The following ADGRB3 variants were observed in gnomAD, a reference collection of about 807,000 sequenced individuals.
The protein encoded by ADGRB3 is adhesion G protein-coupled receptor B3, also known as brain-specific angiogenesis inhibitor 3.
A neutral mutation model predicts 193.4 loss-of-function variants in ADGRB3; 37 were observed. The ratio of observed to expected loss-of-function variants is 0.19; its 90% CI spans 0.15 to 0.25. ADGRB3 has a LOEUF of 0.25. ADGRB3 is among the 10% of genes least tolerant of loss of function. The pLI is 1.00. For missense variants in ADGRB3, 1,637 were observed against 1,852.9 expected (o/e 0.88, Z 2.14); for synonymous variants, 690 against 644.2 (o/e 1.07, Z -1.08).
At chr6:68,833,154 G>A (rs1767985150) in intron 3 of ADGRB3, among the ~76,000 whole-genome samples, 1 of 152,048 alleles carries the variant, frequency 6.6e-6, no homozygotes, top group African/African-American at 2.4e-5. Context: ...AATTGACAAT[G>A]TCAAGATACC....
At chr6:68,959,096 G>T (rs1009398112) in intron 8 of ADGRB3, among the ~76,000 whole-genome samples, 28 of 151,922 alleles carry the variant, frequency 1.8e-4, no homozygotes, top group Middle Eastern at 3.2e-3. Flanking sequence ...TTTATGTGCA[G>T]TCACATCATC....
At chr6:69,320,817 A>ATGTGTGTGTG (rs1491560826) in intron 20 of ADGRB3, among the ~76,000 whole-genome samples, 9 of 104,874 alleles carry the variant, frequency 8.6e-5, no homozygotes, top group African/African-American at 2.9e-4. Context: ...GTGCTTGTGC[A>ATGTGTGTGTG]TGTGTGTATG....
chr6:68,907,773 A>C (rs1041023405), intron 3 of ADGRB3, among the ~76,000 whole-genome samples: 2 of 151,908 alleles, frequency 1.3e-5, no homozygotes, highest in Non-Finnish European at 2.9e-5. Flanking sequence ...ATTTTGCCTT[A>C]TGGTTATTTT....
At chr6:69,274,483 CCCTCCCTCCCTCCCTTTCTTCTTTCCCTT>C (rs1767252611) in intron 20 of ADGRB3, among the ~76,000 whole-genome samples, 1 of 64,956 alleles carries the variant, frequency 1.5e-5, no homozygotes, top group Admixed American at 1.7e-4. Context: ...CTTCCTCCCT[CCCTCCCTCCCTCCCTTTCTTCTTTCCCTT>C]CTTCCTTCCT....
intron 28 of ADGRB3, among the ~76,000 whole-genome samples, chr6:69,358,933 A>AT (rs1561998318): frequency 2.0e-5 from 3 of 150,784 alleles, no homozygotes; most frequent in African/African-American, 2.4e-5. Flanking sequence ...ATATATATAT[A>AT]TATTTTTTTT....
chr6:69,161,341 C>T (rs1423787054), intron 17 of ADGRB3, among the ~76,000 whole-genome samples: 2 of 152,028 alleles, frequency 1.3e-5, no homozygotes, highest in Non-Finnish European at 1.5e-5. Flanking sequence ...GGATGAATAA[C>T]ACTAGATGAG....
At chr6:69,005,590 G>A (rs1029928641) in intron 11 of ADGRB3, among the ~76,000 whole-genome samples, 12 of 152,006 alleles carry the variant, frequency 7.9e-5, no homozygotes, top group Admixed American at 2.0e-4. Flanking sequence ...TATTACAGGC[G>A]TACGCCACCA....
intron 3 of ADGRB3, among the ~76,000 whole-genome samples, chr6:68,888,451 A>G (rs1037005055): frequency 6.6e-6 from 1 of 151,966 alleles, no homozygotes; most frequent in African/African-American, 2.4e-5. Flanking sequence ...GAATTGTCCT[A>G]TAGGATAAAA....
At chr6:68,706,678 A>G (rs186470156) in intron 3 of ADGRB3, among the ~76,000 whole-genome samples, 45 of 152,344 alleles carry the variant, frequency 3.0e-4, no homozygotes, top group African/African-American at 1.0e-3. Flanking sequence ...AGTATGAGAC[A>G]TACAAGTTCT....
At chr6:68,711,051 A>C (rs1456385046) in intron 3 of ADGRB3, among the ~76,000 whole-genome samples, 1 of 152,088 alleles carries the variant, frequency 6.6e-6, no homozygotes, top group Non-Finnish European at 1.5e-5. Flanking sequence ...TAACCCCAGC[A>C]AGTCTCCATT....
At position 69,209,701 on chromosome 6, in the gene ADGRB3, C is replaced by T. The variant is rs549918403; in HGVS notation, c.2481-23589C>T. On this transcript the variant is annotated intron_variant, in intron 17 of 31. Transcript: ENST00000370598. ...TGAAGGCAAATTGCTTCTGGTGGGC[C>T]TTATGGACATAAATGGAGAAATAGG... Among the ~76,000 whole-genome samples, 18 of 152,250 alleles carry T rather than the reference C, an allele frequency of 1.2e-4. 1 individual carries two copies. The South Asian group carries it at 3.7e-3, about 32-fold the overall frequency.
At chr6:69,096,363 G>GTTTTTTTTTTTTTTTTGTTT (rs70987448) in intron 17 of ADGRB3, among the ~76,000 whole-genome samples, 2 of 132,622 alleles carry the variant, frequency 1.5e-5, no homozygotes. Flanking sequence ...ATTGTTTTGG[G>GTTTTTTTTTTTTTTTTGTTT]TTTTTTTTTT....
At chr6:69,175,169 T>G (rs1254507415) in intron 17 of ADGRB3, among the ~76,000 whole-genome samples, 1 of 152,198 alleles carries the variant, frequency 6.6e-6, no homozygotes, top group South Asian at 2.1e-4. Context: ...TTTGAGGACT[T>G]TGTCATAAAT....
chr6:68,742,792 A>G (rs1168544420), intron 3 of ADGRB3, among the ~76,000 whole-genome samples: 1 of 152,112 alleles, frequency 6.6e-6, no homozygotes, highest in Non-Finnish European at 1.5e-5. Flanking sequence ...GTTTTTCCTC[A>G]AAAAGGAAAA....
intron 15 of ADGRB3, among the ~76,000 whole-genome samples, chr6:69,054,520 A>C (rs1394564468): frequency 6.6e-6 from 1 of 152,182 alleles, no homozygotes; most frequent in Non-Finnish European, 1.5e-5. Context: ...TTGCAATGGA[A>C]TATTCTAGTT....
chr6:68,782,402 T>C (rs534488877), intron 3 of ADGRB3, among the ~76,000 whole-genome samples: 16 of 152,176 alleles, frequency 1.1e-4, no homozygotes, highest in South Asian at 2.1e-4. Context: ...TTCCAAGTCT[T>C]TGCTATTGTG....
chr6:68,869,366 A>G (rs946516682), intron 3 of ADGRB3, among the ~76,000 whole-genome samples: 7 of 152,300 alleles, frequency 4.6e-5, no homozygotes, highest in Middle Eastern at 6.8e-3. Context: ...TAAGAAATTC[A>G]AGGAATATCT....
intron 3 of ADGRB3, among the ~76,000 whole-genome samples, chr6:68,891,681 T>A (rs982468020): frequency 2.6e-5 from 4 of 152,098 alleles, no homozygotes; most frequent in African/African-American, 9.7e-5. Context: ...AACAAAACAC[T>A]TATGAGTGTC....
chr6:69,119,740 C>A (rs545237860), intron 17 of ADGRB3, among the ~76,000 whole-genome samples: 3 of 152,142 alleles, frequency 2.0e-5, no homozygotes, highest in Non-Finnish European at 4.4e-5. Context: ...TTATCAGGAG[C>A]GGAGCATGGA....
Sources: allele counts gnomAD v4.1 joint callset (sites outside exome capture counted in the v4.1 genomes callset), GRCh38; gene constraint gnomAD v4.1.1; transcripts MANE v1.5; gene names NCBI Gene and HGNC (gene_info 2026-07-23, HGNC 2026-07-21).